The following HTT variants were observed in gnomAD, a reference collection of about 807,000 sequenced individuals.
HTT encodes the protein huntingtin, also known as huntington disease protein.
Under a neutral mutation model 362.3 loss-of-function variants are expected in HTT, and 104 were observed. The observed-to-expected ratio is 0.29, with a 90% CI of 0.24 to 0.34. The LOEUF (loss-of-function observed/expected upper bound fraction) is 0.34. Among genes scored for constraint, HTT ranks in the 10% least tolerant of loss-of-function variants. HTT has a pLI of 1.00. For synonymous variants in HTT, 1,577 were observed against 1,548.7 expected, an observed-to-expected ratio of 1.02 and a Z score of -0.43; for missense variants, 3,301 against 3,928.6, an observed-to-expected ratio of 0.84 and a Z score of 4.27.
intron 49 of HTT, 167 bp downstream of exon 49, chr4:3,212,876 T>A (rs1264465778): frequency 4.2e-6 from 3 of 708,204 alleles, no homozygotes; most frequent in Non-Finnish European, 7.0e-6. Flanking sequence ...ATTGTAGCCA[T>A]CCTTCACCCT....
intron 33 of HTT, among the ~76,000 whole-genome samples, chr4:3,175,798 G>C (rs1021028307): frequency 1.3e-5 from 2 of 152,164 alleles, no homozygotes; most frequent in African/African-American, 4.8e-5. Context: ...TGTCATTTTT[G>C]AGCCGTGATC....
intron 33 of HTT, among the ~76,000 whole-genome samples, chr4:3,176,260 C>A (rs966988914): frequency 1.3e-5 from 2 of 152,146 alleles, no homozygotes; most frequent in Non-Finnish European, 2.9e-5. Context: ...ATCTCCTGAC[C>A]TCGTGATCTG....
At chr4:3,201,905 G>A (rs951900071) in intron 41 of HTT, among the ~76,000 whole-genome samples, 3 of 152,176 alleles carry the variant, frequency 2.0e-5, no homozygotes, top group African/African-American at 7.2e-5. Context: ...TAAAATTGCT[G>A]TATCCAGTTG....
intron 63 of HTT, 83 bp downstream of exon 63, chr4:3,235,861 C>G (rs1028133759): frequency 4.7e-6 from 5 of 1,068,984 alleles, no homozygotes; most frequent in Non-Finnish European, 6.9e-6. Context: ...GGGACCTCGA[C>G]TAGGTGCCCT....
Position 3,134,450 on chromosome 4 carries a change from A to C in HTT, c.2543A>C (p.Gln848Pro). The change falls in exon 19 of 67, where the codon CAG becomes CCG. Residue 848 changes from glutamine to proline, a missense_variant. By Grantham distance (76) the Gln-to-Pro change is moderately conservative (BLOSUM62 -1). This residue lies in a region of HTT where 2,316 missense variants were observed against 2,658.5 expected (regional missense o/e 0.87). Transcript: ENST00000355072. ...CSSSYSELGL[Q>P]LIIDVLTLRN... ...AGCAGCTACAGTGAGTTAGGACTGC[A>C]GCTGATCATCGATGTGCTGACTCTG... 1 of 1,614,064 alleles carries C rather than the reference A, an allele frequency of 6.2e-7. No homozygotes were observed. Among genetic ancestry groups the C allele is most frequent in the Non-Finnish European group, 8.5e-7 (1 of 1,179,908 alleles).
chr4:3,169,531 A>C (rs1717873640), intron 29 of HTT, among the ~76,000 whole-genome samples: 1 of 146,462 alleles, frequency 6.8e-6, no homozygotes, highest in South Asian at 2.1e-4. Context: ...TACAGTGTCT[A>C]CTCTGTTGTT....
Position 3,131,383 on chromosome 4 carries a change from CAG to C in HTT, c.2085_2086del (p.Gly697LysfsTer39), listed in dbSNP as rs771006148. On this transcript the variant is annotated frameshift_variant, in exon 15 of 67. Coordinates refer to ENST00000355072, the MANE Select transcript of HTT (RefSeq NM_001388492.1). LOFTEE classifies it high-confidence loss of function. ...CTTTTATCTGCTTCGTTTTTGCTAA[CAG>C]GGGGAAAAAATGGTGAGTACAAAAG... The C allele has an allele frequency of 3.5e-5, 56 of 1,612,902 alleles. No individual in the cohort carries two copies. The highest frequency in any genetic ancestry group is 5.0e-5 in the Admixed American group (3 of 59,996).
At position 3,146,793 on chromosome 4, in the gene HTT, C is replaced by T; in HGVS notation, c.3144-4C>T. On this transcript the variant is annotated splice_region_variant and splice_polypyrimidine_tract_variant and intron_variant, in intron 24 of 66. Transcript: ENST00000355072. ...AATTTGACTTTGCAAATGTCTGCTTCCAGAGTGCCTCCACTGAGTGCCTCA... is the reference window on the plus strand; with the variant it reads ...AATTTGACTTTGCAAATGTCTGCTTTCAGAGTGCCTCCACTGAGTGCCTCA... The T allele has an allele frequency of 6.2e-7, 1 of 1,612,942 alleles. No homozygotes were observed. The highest frequency in any genetic ancestry group is 8.5e-7 in the Non-Finnish European group (1 of 1,179,038).
At chr4:3,082,633 T>A (rs954047869) in intron 1 of HTT, among the ~76,000 whole-genome samples, 2 of 152,198 alleles carry the variant, frequency 1.3e-5, no homozygotes, top group Admixed American at 1.3e-4. Context: ...GTGAGTGACT[T>A]ACATGCACAT....
intron 29 of HTT, among the ~76,000 whole-genome samples, chr4:3,166,229 C>T (rs553496616): frequency 6.6e-6 from 1 of 152,312 alleles, no homozygotes; most frequent in East Asian, 1.9e-4. Context: ...TTTGCCTGGG[C>T]ATCACCAGCA....
rs1253971455 is a variant in HTT, at chr4:3,242,714, A to C, written c.*2655A>C. The stretch of plus-strand genomic sequence containing the variant: ...TCCAAATTTTGTTGCAAATGTGATT[A>C]ATTTGGTTGTCAAGTTTTGGGGGTG... On this transcript the variant is annotated 3_prime_UTR_variant, in exon 67 of 67. Transcript: ENST00000355072. The C allele has an allele frequency of 6.6e-6, 1 of 152,128 alleles. No individual in the cohort carries two copies. Among genetic ancestry groups the C allele is most frequent in the African/African-American group, 2.4e-5 (1 of 41,408 alleles). 9.4% of individuals were successfully genotyped at this position (152,128 alleles called of 1,614,324 possible).
chr4:3,180,531 G>A lies in HTT; in HGVS notation c.4629G>A (p.Gln1543=). Residue 1543 remains glutamine, a synonymous_variant, in exon 36 of 67, where the codon CAG becomes CAA. Coordinates refer to ENST00000355072, the MANE Select transcript of HTT (RefSeq NM_001388492.1). ...KAVTHAIPAL[Q]PIVHDLFVLR... is the part of the protein sequence containing the mutation. Reference sequence around the variant, plus strand: ...TCCCCACAGCCATACCGGCTCTGCAGCCCATAGTCCACGACCTCTTTGTAT... The same window carrying A: ...TCCCCACAGCCATACCGGCTCTGCAACCCATAGTCCACGACCTCTTTGTAT... 1.2e-6 allele frequency: 2 copies of A among 1,607,598 alleles called. No homozygotes were observed. Among genetic ancestry groups the A allele is most frequent in the Admixed American group, 1.7e-5 (1 of 59,198 alleles).
At chr4:3,166,021 C>T (rs1180065297) in intron 29 of HTT, among the ~76,000 whole-genome samples, 1 of 152,162 alleles carries the variant, frequency 6.6e-6, no homozygotes, top group Non-Finnish European at 1.5e-5. Flanking sequence ...AGCCTTTCTG[C>T]TATGGTTTCT....
chr4:3,198,406 G>T (rs1719370479), intron 40 of HTT, among the ~76,000 whole-genome samples: 1 of 151,914 alleles, frequency 6.6e-6, no homozygotes, highest in South Asian at 2.1e-4. Flanking sequence ...TGTATTTTTA[G>T]TGGAGACAGG....
In HTT at chr4:3,209,812, T is replaced by A. The variant is rs1355272539; in HGVS notation, c.6292-15T>A. On this transcript the variant is annotated splice_polypyrimidine_tract_variant and intron_variant, in intron 46 of 66. Transcript: ENST00000355072. ...CCGCCCATCATGTTCCCCTTATCCA[T>A]TTTTTTCTTCCCAGGACTGGTACGT... 1.2e-5 allele frequency: 20 copies of A among 1,610,894 alleles called. No individual in the cohort carries two copies. The highest frequency in any genetic ancestry group is 1.6e-5 in the Non-Finnish European group (19 of 1,178,000).
In HTT at chr4:3,223,578, C is replaced by G; in HGVS notation, c.7625+18C>G. 1 of 1,591,210 alleles carries G rather than the reference C, an allele frequency of 6.3e-7. No individual in the cohort carries two copies. The highest frequency in any genetic ancestry group is 8.6e-7 in the Non-Finnish European group (1 of 1,166,002). On this transcript the variant is annotated intron_variant, in intron 55 of 66. Coordinates refer to ENST00000355072, the MANE Select transcript of HTT (RefSeq NM_001388492.1). ...GACACCAGGTTTGCTTGAGTTCCCA[C>G]GTGTCTCTGGGACATAGCAGGTGCT...
At chr4:3,201,663 C>G (rs1371595589) in intron 41 of HTT, among the ~76,000 whole-genome samples, 1 of 151,680 alleles carries the variant, frequency 6.6e-6, no homozygotes, top group Non-Finnish European at 1.5e-5. Flanking sequence ...ATGTGAGTGT[C>G]TAAGGTGTCC....
intron 29 of HTT, among the ~76,000 whole-genome samples, chr4:3,166,695 G>T (rs999095584): frequency 6.6e-6 from 1 of 152,282 alleles, no homozygotes; most frequent in Non-Finnish European, 1.5e-5. Context: ...CGATTTCAGA[G>T]TGCTGCGCTA....
chr4:3,145,059 A>T, intron 23 of HTT, 93 bp from the exon 24 acceptor site: 1 of 971,912 alleles, frequency 1.0e-6, no homozygotes, highest in Non-Finnish European at 1.7e-6. Context: ...TTTTCTTCTC[A>T]TTGTTTGTAC....
Sources: allele counts gnomAD v4.1 joint callset (sites outside exome capture counted in the v4.1 genomes callset), GRCh38; gene constraint gnomAD v4.1.1; regional missense constraint gnomAD v4.1.1; transcripts MANE v1.5; gene names NCBI Gene and HGNC (gene_info 2026-07-23, HGNC 2026-07-21).